GRIK4: variants seen among roughly 807,000 people sequenced by gnomAD.
The protein encoded by GRIK4 is glutamate ionotropic receptor kainate type subunit 4.
A neutral mutation model predicts 104.9 loss-of-function variants in GRIK4; 40 were observed. The observed-to-expected ratio is 0.38, with a 90% CI of 0.30 to 0.50. The LOEUF (loss-of-function observed/expected upper bound fraction) is 0.50, where lower values mean the gene tolerates loss of function less well. Ranked by LOEUF, GRIK4 falls within the 20% of genes least tolerant of loss-of-function variation. GRIK4 has a pLI of 0.93. For synonymous variants in GRIK4, 485 were observed against 524.9 expected (o/e 0.92, Z 1.04); for missense variants, 1,047 against 1,308.1 (o/e 0.80, Z 3.08).
intron 1 of GRIK4, among the ~76,000 whole-genome samples, chr11:120,624,838 C>G (rs1340622727): frequency 6.6e-6 from 1 of 152,142 alleles, no homozygotes; most frequent in Admixed American, 6.5e-5. Context: ...GAAAGCTACA[C>G]AGAAATAAAG....
chr11:120,560,467 T>A (rs1402487506), intron 1 of GRIK4, among the ~76,000 whole-genome samples: 1 of 152,204 alleles, frequency 6.6e-6, no homozygotes. Context: ...CCCGTTGAAT[T>A]CATCAATGAG....
In GRIK4 at chr11:120,524,270, A is replaced by C. The variant is rs1947833608; in HGVS notation, c.-159+12383A>C. On this transcript the variant is annotated intron_variant, in intron 1 of 20. Coordinates refer to ENST00000527524, the MANE Select transcript of GRIK4 (RefSeq NM_014619.5). The surrounding 1 kb of genome is among the most constrained non-coding windows in gnomAD (Gnocchi z 4.5). Reference sequence around the variant, plus strand: ...ACAACCAGAACAGCACTGGGTGCTCAGTATGCGTTTAGTGGGTGAACGGCT... The same window carrying C: ...ACAACCAGAACAGCACTGGGTGCTCCGTATGCGTTTAGTGGGTGAACGGCT... 6.6e-6 allele frequency among the ~76,000 whole-genome samples: 1 copy of C among 152,118 alleles called. No individual in the cohort carries two copies. The highest frequency in any genetic ancestry group is 1.5e-5 in the Non-Finnish European group (1 of 68,008).
intron 6 of GRIK4, among the ~76,000 whole-genome samples, chr11:120,827,040 C>A (rs1040506355): frequency 6.6e-6 from 1 of 152,142 alleles, no homozygotes; most frequent in Admixed American, 6.5e-5. Flanking sequence ...CACCACAATC[C>A]GCAAAGATCA....
chr11:120,580,926 T>C (rs1948573377), intron 1 of GRIK4, among the ~76,000 whole-genome samples: 1 of 152,204 alleles, frequency 6.6e-6, no homozygotes, highest in Non-Finnish European at 1.5e-5. Context: ...TCACTAGTAT[T>C]ATCCTTAAAA....
At chr11:120,755,800 G>A (rs116760671) in intron 3 of GRIK4, among the ~76,000 whole-genome samples, 1,783 of 152,208 alleles carry the variant, frequency 0.012, 29 homozygotes, top group African/African-American at 0.04. Context: ...TACCCTCCAG[G>A]GAGAGTTGGG....
chr11:120,835,433 CAGG>C (rs1432459743), intron 7 of GRIK4, among the ~76,000 whole-genome samples: 1 of 152,188 alleles, frequency 6.6e-6, no homozygotes, highest in Non-Finnish European at 1.5e-5. Context: ...CAGCCTGAGG[CAGG>C]AGAATCACTT....
chr11:120,668,239 A>G (rs114248323), intron 3 of GRIK4, among the ~76,000 whole-genome samples: 202 of 151,868 alleles, frequency 1.3e-3, no homozygotes, highest in African/African-American at 4.7e-3. Flanking sequence ...AGACAGAGAG[A>G]TAGGTAGGCA....
Position 120,555,045 on chromosome 11 carries a change from G to T in GRIK4, c.-159+43158G>T, listed in dbSNP as rs1046690175. Among the ~76,000 whole-genome samples, 2 of 152,244 alleles carry T rather than the reference G, an allele frequency of 1.3e-5. No homozygotes were observed. Among genetic ancestry groups the T allele is most frequent in the Non-Finnish European group, 2.9e-5 (2 of 68,046 alleles). On this transcript the variant is annotated intron_variant, in intron 1 of 20. Coordinates refer to ENST00000527524, the MANE Select transcript of GRIK4 (RefSeq NM_014619.5). The surrounding 1 kb of genome is among the most constrained non-coding windows in gnomAD (Gnocchi z 5.3). ...AGGTAGTCCATGCGAGTCCACAGAA[G>T]CTGGTTGCCTCTGAAGCCTGTGAGG...
chr11:120,961,213 C>A, intron 17 of GRIK4, 139 bp downstream of exon 17: 2 of 748,610 alleles, frequency 2.7e-6, no homozygotes, highest in Non-Finnish European at 4.3e-6. Context: ...ACATGGGGCT[C>A]ATTTATCTGC....
intron 14 of GRIK4, among the ~76,000 whole-genome samples, chr11:120,951,636 A>G (rs548591237): frequency 3.3e-5 from 5 of 152,310 alleles, no homozygotes; most frequent in African/African-American, 1.2e-4. Context: ...TCCATTTACA[A>G]TAGTCCTTAG....
chr11:120,709,883 G>A (rs1950695054), intron 3 of GRIK4, among the ~76,000 whole-genome samples: 1 of 152,186 alleles, frequency 6.6e-6, no homozygotes, highest in Non-Finnish European at 1.5e-5. Flanking sequence ...GAGACTCAGA[G>A]TGTACTGTTC....
At position 120,513,883 on chromosome 11, in the gene GRIK4, A is replaced by G. The variant is rs1171795536; in HGVS notation, c.-159+1996A>G. Among the ~76,000 whole-genome samples the G allele has an allele frequency of 1.3e-5, 2 of 152,162 alleles. No homozygotes were observed. The highest frequency in any genetic ancestry group is 2.4e-5 in the African/African-American group (1 of 41,434). On this transcript the variant is annotated intron_variant, in intron 1 of 20. Transcript: ENST00000527524. This position sits in a 1 kb window ranked among gnomAD's most constrained non-coding sequence, Gnocchi z 4.5. ...TCGGTGGCTGCTGTCTTCCCCAGCAATGAAAATTCTTCCGAGAGCCTGGGT... is the reference window on the plus strand; with the variant it reads ...TCGGTGGCTGCTGTCTTCCCCAGCAGTGAAAATTCTTCCGAGAGCCTGGGT...
chr11:120,710,400 G>A (rs1421542112), intron 3 of GRIK4, among the ~76,000 whole-genome samples: 1 of 152,176 alleles, frequency 6.6e-6, no homozygotes, highest in Non-Finnish European at 1.5e-5. Context: ...ATACAGTTCG[G>A]ACCTCCTGGT....
intron 3 of GRIK4, among the ~76,000 whole-genome samples, chr11:120,739,376 G>C (rs2846115): frequency 0.97 from 147,347 of 152,358 alleles, 71,300 homozygotes; most frequent in East Asian, 1. Context: ...TGCCTGCTTT[G>C]CTGCCCTCTG....
intron 1 of GRIK4, chr11:120,619,810 A>G (rs930548768): frequency 1.8e-5 from 3 of 163,904 alleles, no homozygotes; most frequent in Non-Finnish European, 2.6e-5. Context: ...TGCTTCCTGT[A>G]CAGCCTGCAG....
intron 1 of GRIK4, among the ~76,000 whole-genome samples, chr11:120,593,328 T>G (rs2135116597): frequency 6.6e-6 from 1 of 152,272 alleles, no homozygotes; most frequent in Admixed American, 6.5e-5. Flanking sequence ...CACTTCAATC[T>G]GGCGGCTGCC....
chr11:120,880,732 C>T (rs912014061), intron 11 of GRIK4, among the ~76,000 whole-genome samples: 3 of 152,238 alleles, frequency 2.0e-5, no homozygotes, highest in Admixed American at 6.5e-5. Flanking sequence ...CAAATACTTC[C>T]AGGCACTGGG....
chr11:120,637,276 A>G (rs1329867266), intron 1 of GRIK4, among the ~76,000 whole-genome samples: 1 of 152,112 alleles, frequency 6.6e-6, no homozygotes, highest in Non-Finnish European at 1.5e-5. Flanking sequence ...TGTTTGTACC[A>G]GCAAGCGACA....
At position 120,524,384 on chromosome 11, in the gene GRIK4, C is replaced by T. The variant is rs1345937123; in HGVS notation, c.-159+12497C>T. ...TTGACTCTGGAAAGCTTGGATGGGC[C>T]GCCTTCGACTCGCAGATGTATGGGA... On this transcript the variant is annotated intron_variant, in intron 1 of 20. Coordinates refer to ENST00000527524, the MANE Select transcript of GRIK4 (RefSeq NM_014619.5). The surrounding 1 kb of genome is among the most constrained non-coding windows in gnomAD (Gnocchi z 4.5). 1.3e-5 allele frequency among the ~76,000 whole-genome samples: 2 copies of T among 152,082 alleles called. No individual in the cohort carries two copies. Among genetic ancestry groups the T allele is most frequent in the Non-Finnish European group, 2.9e-5 (2 of 68,020 alleles).
Sources: gnomAD v4.1 joint callset for allele counts (sites outside exome capture counted in the v4.1 genomes callset) on GRCh38, gnomAD v4.1.1 for gene constraint, Gnocchi (gnomAD v3.1) non-coding constraint, MANE v1.5 for transcripts, NCBI Gene and HGNC (gene_info 2026-07-23, HGNC 2026-07-21) for gene names.